The following TRPM7 variants were observed in gnomAD, a reference collection of about 807,000 sequenced individuals.
TRPM7 encodes transient receptor potential cation channel subfamily M member 7.
TRPM7 carries 134 observed loss-of-function variants against 229.7 expected under a neutral mutation model. The observed-to-expected ratio is 0.58, with a 90% CI of 0.51 to 0.67. TRPM7 has a LOEUF of 0.67. Among genes scored for constraint, TRPM7 ranks in the 30% least tolerant of loss-of-function variants. The probability of loss-of-function intolerance (pLI) is 0.00; values close to 1 mark genes in which losing one functional copy is unlikely to be tolerated. For synonymous variants in TRPM7, 699 were observed against 715.2 expected, an observed-to-expected ratio of 0.98 and a Z score of 0.36; for missense variants, 1,901 against 2,210.0, an observed-to-expected ratio of 0.86 and a Z score of 2.80.
chr15:50,562,243 G>A (rs1043565192), intron 38 of TRPM7, among the ~76,000 whole-genome samples: 2 of 152,104 alleles, frequency 1.3e-5, no homozygotes, highest in African/African-American at 4.8e-5. Context: ...TGTCAGACTT[G>A]TTTTCCATCA....
At chr15:50,640,016 A>AAT (rs1466503228) in intron 5 of TRPM7, among the ~76,000 whole-genome samples, 2 of 152,140 alleles carry the variant, frequency 1.3e-5, no homozygotes, top group Non-Finnish European at 2.9e-5. Flanking sequence ...AATCACTACA[A>AAT]ATGCCAGAAA....
intron 1 of TRPM7, among the ~76,000 whole-genome samples, chr15:50,668,688 A>C (rs2061932983): frequency 6.6e-6 from 1 of 152,056 alleles, no homozygotes; most frequent in Non-Finnish European, 1.5e-5. Context: ...TTGTATCTTT[A>C]GTAGAAACAG....
chr15:50,667,964 G>A (rs1184630431), intron 1 of TRPM7, among the ~76,000 whole-genome samples: 2 of 152,140 alleles, frequency 1.3e-5, no homozygotes, highest in African/African-American at 4.8e-5. Flanking sequence ...ATTCTGATAT[G>A]ATTCAATGTA....
chr15:50,621,386 T>A (rs1263353790), intron 12 of TRPM7, among the ~76,000 whole-genome samples: 4 of 152,160 alleles, frequency 2.6e-5, no homozygotes, highest in Non-Finnish European at 5.9e-5. Flanking sequence ...TTCTATTTTA[T>A]CCTACTCTAT....
chr15:50,634,052 C>T (rs1002846713), intron 8 of TRPM7, among the ~76,000 whole-genome samples: 8 of 152,210 alleles, frequency 5.3e-5, no homozygotes, highest in African/African-American at 1.9e-4. Context: ...GGCATGGTGG[C>T]TCATGCCTGT....
At position 50,575,277 on chromosome 15, in the gene TRPM7, T is replaced by A. The variant is rs1247086294; in HGVS notation, c.4736-142A>T. ...TGTAGTTTTATACAAAGAAATTTAA[T>A]AGCAATAGGTAAGAAATCAAGGATA... On this transcript the variant is annotated intron_variant, in intron 33 of 38. Transcript: ENST00000646667. 4 of 604,138 alleles carry A rather than the reference T, an allele frequency of 6.6e-6. No homozygotes were observed. In the African/African-American group the frequency reaches 7.4e-5, roughly 11 times the overall value. 37.4% of individuals were successfully genotyped at this position (604,138 alleles called of 1,614,324 possible).
At chr15:50,685,321 G>A (rs1428518280) in intron 1 of TRPM7, among the ~76,000 whole-genome samples, 2 of 152,176 alleles carry the variant, frequency 1.3e-5, no homozygotes, top group Non-Finnish European at 2.9e-5. Context: ...AAAATTAGCC[G>A]GGCATGGTGG....
At chr15:50,616,320 C>T (rs189633189) in intron 13 of TRPM7, among the ~76,000 whole-genome samples, 2 of 152,260 alleles carry the variant, frequency 1.3e-5, no homozygotes, top group African/African-American at 4.8e-5. Context: ...ATTATAGCCA[C>T]CGATGTAACA....
chr15:50,596,208 T>C (rs772478806), intron 23 of TRPM7, 47 bp downstream of exon 23: 6 of 1,281,842 alleles, frequency 4.7e-6, no homozygotes, highest in Middle Eastern at 4.5e-4. Context: ...ATATGTAGAA[T>C]TGCATATTAA....
chr15:50,561,524 CAAAAG>C lies in TRPM7; in HGVS notation c.*149_*153del. The stretch of plus-strand genomic sequence containing the variant: ...GGACTTTCTGACTGATTAATCAGGT[CAAAAG>C]AATATTGACCTTTTAACTGTGCTGG... On this transcript the variant is annotated 3_prime_UTR_variant, in exon 39 of 39. Transcript: ENST00000646667. 1.3e-6 allele frequency: 1 copy of C among 764,334 alleles called. No homozygotes were observed. The highest frequency in any genetic ancestry group is 2.1e-5 in the South Asian group (1 of 47,498). The allele number at this position is 764,334 out of a possible 1,614,324, so 47.3% of individuals were successfully genotyped here.
At chr15:50,657,892 T>C in intron 2 of TRPM7, 73 bp from the exon 3 acceptor site, 1 of 1,285,804 alleles carries the variant, frequency 7.8e-7, no homozygotes, top group Non-Finnish European at 1.1e-6. Flanking sequence ...ATAAAATACA[T>C]AAAATACAAA....
intron 38 of TRPM7, among the ~76,000 whole-genome samples, chr15:50,565,164 T>G (rs2053539737): frequency 6.6e-6 from 1 of 152,062 alleles, no homozygotes; most frequent in African/African-American, 2.4e-5. Context: ...GTATTTTTAG[T>G]AGAGATAGGT....
chr15:50,669,615 T>C (rs549025566), intron 1 of TRPM7, among the ~76,000 whole-genome samples: 45 of 152,322 alleles, frequency 3.0e-4, no homozygotes, highest in Non-Finnish European at 5.4e-4. Context: ...CTATAACTTG[T>C]CTTTAGTAAA....
intron 38 of TRPM7, among the ~76,000 whole-genome samples, chr15:50,566,573 G>A (rs190279720): frequency 6.6e-6 from 1 of 152,294 alleles, no homozygotes; most frequent in Non-Finnish European, 1.5e-5. Flanking sequence ...GCACGTACCT[G>A]TAGTGCCAGT....
At chr15:50,677,118 A>G (rs955322065) in intron 1 of TRPM7, among the ~76,000 whole-genome samples, 1 of 152,158 alleles carries the variant, frequency 6.6e-6, no homozygotes, top group Non-Finnish European at 1.5e-5. Context: ...CTGGAGACTG[A>G]AAGTTCAGGA....
chr15:50,609,694 T>G lies in TRPM7; in HGVS notation c.2467A>C (p.Ser823Arg), dbSNP rs1285364596. Residue 823 changes from serine (S) to arginine (R), a missense_variant, in exon 19 of 39, where the codon AGT becomes CGT. Around this residue, in one of 8 missense-constraint regions of TRPM7, gnomAD observed 207 missense variants for 241.5 expected, o/e 0.86. Transcript: ENST00000646667. ...EVFKEVRILD[S>R]NEGKNEMEIQ... ...TCCATCTCATTCTTTCCTTCATTAC[T>G]ATCCAAAATCCGTACTTCTTTAAAC... 1.2e-6 allele frequency: 2 copies of G among 1,604,570 alleles called. No individual in the cohort carries two copies. The highest frequency in any genetic ancestry group is 1.1e-5 in the South Asian group (1 of 88,634).
At chr15:50,677,793 A>T (rs2062130543) in intron 1 of TRPM7, among the ~76,000 whole-genome samples, 1 of 151,676 alleles carries the variant, frequency 6.6e-6, no homozygotes. Context: ...ACTAAGTAAC[A>T]ATCCCAATGT....
intron 38 of TRPM7, 73 bp downstream of exon 38, chr15:50,569,814 T>C (rs1463803049): frequency 1.1e-6 from 1 of 890,032 alleles, no homozygotes; most frequent in Non-Finnish European, 1.7e-6. Context: ...TTTGTACCTC[T>C]GGCCTTATGA....
chr15:50,562,993 T>C (rs1178793535), intron 38 of TRPM7, among the ~76,000 whole-genome samples: 4 of 152,124 alleles, frequency 2.6e-5, no homozygotes, highest in Admixed American at 1.3e-4. Context: ...TCAGAAGGAA[T>C]GGACTTAGTG....
Sources: gnomAD v4.1 joint callset for allele counts (sites outside exome capture counted in the v4.1 genomes callset) on GRCh38, gnomAD v4.1.1 for gene constraint, gnomAD v4.1.1 regional missense constraint, MANE v1.5 for transcripts, NCBI Gene and HGNC (gene_info 2026-07-23, HGNC 2026-07-21) for gene names.